CTNNBL1: variants seen among roughly 807,000 people sequenced by gnomAD.
CTNNBL1 encodes catenin beta like 1.
In CTNNBL1, 31 loss-of-function variants were observed where a neutral mutation model predicts 72.7. That is an observed-to-expected ratio of 0.43 (90% CI 0.32 to 0.58). CTNNBL1 has a LOEUF of 0.58. Ranked by LOEUF, CTNNBL1 falls within the 20% of genes least tolerant of loss-of-function variation. The pLI, the probability that CTNNBL1 is intolerant of heterozygous loss-of-function variation, is 0.08. For missense variants in CTNNBL1, 534 were observed against 725.1 expected, an observed-to-expected ratio of 0.74 and a Z score of 3.03; for synonymous variants, 240 against 267.3, an observed-to-expected ratio of 0.90 and a Z score of 1.00.
At chr20:37,718,280 G>T (rs1307247859) in intron 1 of CTNNBL1, among the ~76,000 whole-genome samples, 2 of 124,460 alleles carry the variant, frequency 1.6e-5, no homozygotes, top group African/African-American at 6.9e-5. Context: ...CTGGCCGGGC[G>T]GGGGGCTGAC....
chr20:37,732,670 T>C (rs1374817169), intron 1 of CTNNBL1, among the ~76,000 whole-genome samples: 1 of 152,244 alleles, frequency 6.6e-6, no homozygotes, highest in Non-Finnish European at 1.5e-5. Flanking sequence ...GCTTTTAGGA[T>C]ATTTGCTGTC....
At chr20:37,838,031 C>A (rs953374265) in intron 11 of CTNNBL1, among the ~76,000 whole-genome samples, 1 of 152,106 alleles carries the variant, frequency 6.6e-6, no homozygotes, top group Non-Finnish European at 1.5e-5. Context: ...ATAGGGTGGT[C>A]AAAGGAAAGC....
At chr20:37,696,808 T>TA (rs1568740319) in intron 1 of CTNNBL1, among the ~76,000 whole-genome samples, 1 of 152,146 alleles carries the variant, frequency 6.6e-6, no homozygotes, top group Non-Finnish European at 1.5e-5. Flanking sequence ...TGATAACACT[T>TA]ACGATATATT....
At chr20:37,713,389 C>T (rs945554718) in intron 1 of CTNNBL1, among the ~76,000 whole-genome samples, 4 of 152,186 alleles carry the variant, frequency 2.6e-5, no homozygotes, top group Non-Finnish European at 1.5e-5. Flanking sequence ...AGAATGGAGA[C>T]TGGTTAACTG....
rs144405772 is a variant in CTNNBL1, at chr20:37,795,208, C to T, written c.1032-7659C>T. ...GGCATGCAGTGATGCAGTCTCAGCT[C>T]ACTGAAGCCTCTGCCTCCTCCTCTA... On this transcript the variant is annotated intron_variant, in intron 10 of 15. Transcript: ENST00000361383. 3.6e-3 allele frequency among the ~76,000 whole-genome samples: 549 copies of T among 151,288 alleles called. 5 individuals are homozygous for T. Among genetic ancestry groups the T allele is most frequent in the African/African-American group, 0.013 (517 of 41,142 alleles).
In CTNNBL1 at chr20:37,732,964, G is replaced by T. The variant is rs774119782; in HGVS notation, c.116G>T (p.Gly39Val). The T allele has an allele frequency of 6.2e-6, 10 of 1,613,958 alleles. No homozygotes were observed. The highest frequency in any genetic ancestry group is 8.5e-6 in the Non-Finnish European group (10 of 1,180,026). ...RRKQTGTRERGRYREEEMTVV... is the reference protein window; with the variant it reads ...RRKQTGTRERVRYREEEMTVV... ...AAACAAACTGGTACTCGAGAACGCG[G>T]CCGCTATCGGGAAGAAGAAATGACT... The change falls in exon 2 of 16, where the codon GGC becomes GTC. Residue 39 changes from glycine to valine, a missense_variant. By Grantham distance (109) the Gly-to-Val change is moderately radical. Coordinates refer to ENST00000361383, the MANE Select transcript of CTNNBL1 (RefSeq NM_030877.5).
chr20:37,821,993 A>C (rs1285007610), intron 11 of CTNNBL1, among the ~76,000 whole-genome samples: 1 of 152,010 alleles, frequency 6.6e-6, no homozygotes, highest in East Asian at 1.9e-4. Context: ...AGAATTTTAT[A>C]GCTGTTGAGA....
chr20:37,700,197 A>AT (rs149333945), intron 1 of CTNNBL1, among the ~76,000 whole-genome samples: 22 of 151,402 alleles, frequency 1.5e-4, no homozygotes, highest in Non-Finnish European at 2.7e-4. Flanking sequence ...TCTATACATC[A>AT]TTTTTTTTCA....
intron 11 of CTNNBL1, among the ~76,000 whole-genome samples, chr20:37,829,606 T>C (rs2072190410): frequency 6.6e-6 from 1 of 152,166 alleles, no homozygotes; most frequent in Non-Finnish European, 1.5e-5. Flanking sequence ...CTCTTTCCAG[T>C]TCTTTGTCCG....
chr20:37,714,959 C>G (rs1285073479), intron 1 of CTNNBL1, among the ~76,000 whole-genome samples: 1 of 152,130 alleles, frequency 6.6e-6, no homozygotes, highest in Non-Finnish European at 1.5e-5. Flanking sequence ...ATTTTGACTA[C>G]CAAAGTCCAT....
At chr20:37,774,631 C>T (rs762640041) in intron 7 of CTNNBL1, among the ~76,000 whole-genome samples, 2 of 152,150 alleles carry the variant, frequency 1.3e-5, no homozygotes, top group Non-Finnish European at 2.9e-5. Flanking sequence ...TGGAGATTTC[C>T]TGTGGAACCA....
chr20:37,814,516 G>T (rs774299668), intron 11 of CTNNBL1, among the ~76,000 whole-genome samples: 1 of 152,128 alleles, frequency 6.6e-6, no homozygotes, highest in Non-Finnish European at 1.5e-5. Context: ...AAAGTTACGT[G>T]CCTTTAGGTA....
intron 10 of CTNNBL1, among the ~76,000 whole-genome samples, chr20:37,792,713 C>T (rs1460518139): frequency 2.0e-5 from 3 of 152,100 alleles, no homozygotes; most frequent in Admixed American, 1.3e-4. Flanking sequence ...CCAAGCATTT[C>T]GAAGGGATAC....
chr20:37,775,845 A>G (rs927008988), intron 7 of CTNNBL1, among the ~76,000 whole-genome samples: 12 of 152,244 alleles, frequency 7.9e-5, no homozygotes, highest in Non-Finnish European at 1.3e-4. Flanking sequence ...CTAGTGACCT[A>G]CTGTCTTTTG....
At chr20:37,765,847 C>T (rs2073462715) in intron 6 of CTNNBL1, among the ~76,000 whole-genome samples, 1 of 152,146 alleles carries the variant, frequency 6.6e-6, no homozygotes. Context: ...TGTAGTATTT[C>T]TCCTCTTCCT....
intron 5 of CTNNBL1, 62 bp from the exon 6 acceptor site, chr20:37,765,135 G>T: frequency 9.0e-7 from 1 of 1,107,518 alleles, no homozygotes; most frequent in South Asian, 1.3e-5. Flanking sequence ...GTATGGGAAC[G>T]GGAACATTTT....
At chr20:37,745,248 TATCTACCCAGCCCC>T (rs2073252614) in intron 3 of CTNNBL1, among the ~76,000 whole-genome samples, 1 of 152,200 alleles carries the variant, frequency 6.6e-6, no homozygotes, top group South Asian at 2.1e-4. Context: ...GGAGAAGCTG[TATCTACCCAGCCCC>T]ACAGCATCTG....
intron 7 of CTNNBL1, among the ~76,000 whole-genome samples, chr20:37,769,178 T>C (rs1056718521): frequency 1.3e-5 from 2 of 152,236 alleles, no homozygotes; most frequent in African/African-American, 2.4e-5. Flanking sequence ...CCTTGGATCC[T>C]ATCCCCCACA....
At chr20:37,826,940 G>A (rs1441983461) in intron 11 of CTNNBL1, among the ~76,000 whole-genome samples, 1 of 152,208 alleles carries the variant, frequency 6.6e-6, no homozygotes, top group Non-Finnish European at 1.5e-5. Context: ...TACAAACCAT[G>A]TTAAGATACA....
Sources: gnomAD v4.1 joint callset for allele counts (sites outside exome capture counted in the v4.1 genomes callset) on GRCh38, gnomAD v4.1.1 for gene constraint, MANE v1.5 for transcripts, NCBI Gene and HGNC (gene_info 2026-07-23, HGNC 2026-07-21) for gene names.